Variants in LOC128706665 observed in about 807,000 individuals in gnomAD.
chr20:10,416,902 C>T, the LOC128706665 span, among the ~76,000 whole-genome samples: 4 of 152,100 alleles, frequency 2.6e-5, no homozygotes, highest in Admixed American at 2.6e-4. Flanking sequence ...TTTTACACTA[C>T]AACAGAAAGC....
chr20:10,424,055 A>G, the LOC128706665 span, among the ~76,000 whole-genome samples: 1 of 152,216 alleles, frequency 6.6e-6, no homozygotes, highest in Non-Finnish European at 1.5e-5. Context: ...GGCTTGGGAA[A>G]TGATTAGGAT....
chr20:10,417,584 T>G, the LOC128706665 span, among the ~76,000 whole-genome samples: 1 of 151,978 alleles, frequency 6.6e-6, no homozygotes, highest in East Asian at 1.9e-4. Flanking sequence ...CACTGTAGCC[T>G]GGGTGACAAA....
At chr20:10,431,327 A>G in the LOC128706665 span, among the ~76,000 whole-genome samples, 1 of 151,782 alleles carries the variant, frequency 6.6e-6, no homozygotes, top group Non-Finnish European at 1.5e-5. Context: ...AGGGATTAGC[A>G]ATTTTCACTT....
the LOC128706665 span, among the ~76,000 whole-genome samples, chr20:10,433,251 C>T: frequency 1.2e-4 from 18 of 152,240 alleles, no homozygotes; most frequent in Non-Finnish European, 1.6e-4. Context: ...GTGATCCGCC[C>T]GCCTCGGGCT....
chr20:10,431,837 G>A, the LOC128706665 span: 1 of 152,182 alleles, frequency 6.6e-6, no homozygotes, highest in Non-Finnish European at 1.5e-5. Flanking sequence ...CACAGAGGAT[G>A]GCTTATTCTT....
chr20:10,422,855 G>A, the LOC128706665 span, among the ~76,000 whole-genome samples: 2 of 151,834 alleles, frequency 1.3e-5, no homozygotes, highest in African/African-American at 2.4e-5. Flanking sequence ...GGGACTACAG[G>A]TGCCCGCCAC....
chr20:10,417,381 CAGG>C, the LOC128706665 span, among the ~76,000 whole-genome samples: 2 of 152,108 alleles, frequency 1.3e-5, no homozygotes, highest in Non-Finnish European at 2.9e-5. Context: ...GAGGCCAAGG[CAGG>C]AGGATTGCTT....
the LOC128706665 span, among the ~76,000 whole-genome samples, chr20:10,426,644 C>G: frequency 6.6e-6 from 1 of 152,136 alleles, no homozygotes; most frequent in African/African-American, 2.4e-5. Context: ...GTGATATGTC[C>G]GCCTCAGCCT....
the LOC128706665 span, among the ~76,000 whole-genome samples, chr20:10,426,382 G>T: frequency 3.7e-4 from 56 of 152,088 alleles, no homozygotes; most frequent in Non-Finnish European, 2.6e-4. Context: ...AGGTCAACTA[G>T]CTTGGGGCAT....
At chr20:10,423,483 A>G in the LOC128706665 span, among the ~76,000 whole-genome samples, 2 of 152,204 alleles carry the variant, frequency 1.3e-5, no homozygotes, top group African/African-American at 2.4e-5. Context: ...AATAAAATTG[A>G]GATTTGTAAC....
At chr20:10,415,647 C>A in the LOC128706665 span, among the ~76,000 whole-genome samples, 1 of 152,150 alleles carries the variant, frequency 6.6e-6, no homozygotes, top group Non-Finnish European at 1.5e-5. Context: ...TAAATGAAAC[C>A]TCACAAAGTG....
At chr20:10,432,712 C>CT in the LOC128706665 span, among the ~76,000 whole-genome samples, 1 of 143,062 alleles carries the variant, frequency 7.0e-6, no homozygotes, top group African/African-American at 2.6e-5. Flanking sequence ...GGGAGAATTG[C>CT]TTGAACCCGG....
chr20:10,426,959 C>T, the LOC128706665 span, among the ~76,000 whole-genome samples: 1 of 150,842 alleles, frequency 6.6e-6, no homozygotes. Context: ...GGAGAACTTG[C>T]TATGCTTCTA....
the LOC128706665 span, among the ~76,000 whole-genome samples, chr20:10,425,865 C>T: frequency 6.6e-6 from 1 of 152,046 alleles, no homozygotes; most frequent in Non-Finnish European, 1.5e-5. Flanking sequence ...CCTGAATCTT[C>T]TTTAAACATA....
chr20:10,430,046 C>A, the LOC128706665 span, among the ~76,000 whole-genome samples: 1 of 148,478 alleles, frequency 6.7e-6, no homozygotes, highest in Non-Finnish European at 1.5e-5. Context: ...AACAAAAAAA[C>A]AAAAACAAAA....
At chr20:10,426,329 G>C in the LOC128706665 span, among the ~76,000 whole-genome samples, 1 of 152,200 alleles carries the variant, frequency 6.6e-6, no homozygotes, top group South Asian at 2.1e-4. Flanking sequence ...CACGGATGAG[G>C]GGAACATTTG....
the LOC128706665 span, chr20:10,413,829 A>G: frequency 4.2e-6 from 2 of 471,700 alleles, no homozygotes; most frequent in Non-Finnish European, 7.5e-6. Context: ...ATGGACACCT[A>G]TGAAAGATAT....
chr20:10,415,848 G>A, the LOC128706665 span, among the ~76,000 whole-genome samples: 1 of 152,158 alleles, frequency 6.6e-6, no homozygotes, highest in Middle Eastern at 3.4e-3. Context: ...CATATCTTTT[G>A]GCTAGTATTT....
the LOC128706665 span, among the ~76,000 whole-genome samples, chr20:10,429,307 G>C: frequency 6.6e-6 from 1 of 152,012 alleles, no homozygotes; most frequent in African/African-American, 2.4e-5. Flanking sequence ...TTCCTTCTTA[G>C]TCTCCTTTAA....
Sources: gnomAD v4.1 joint callset for allele counts (sites outside exome capture counted in the v4.1 genomes callset) on GRCh38, gnomAD v4.1.1 for gene constraint, MANE v1.5 for transcripts.